Variants in SLC25A45 observed in about 807,000 individuals in gnomAD.
SLC25A45 encodes methylated amino-acid transporter SLC25A45.
In SLC25A45, 22 loss-of-function variants were observed where a neutral mutation model predicts 23.0. The observed-to-expected ratio is 0.95, with a 90% CI of 0.68 to 1.36. SLC25A45 has a LOEUF of 1.36. Ranked by LOEUF, SLC25A45 falls within the 40% of genes most tolerant of loss-of-function variation. The pLI, the probability that SLC25A45 is intolerant of heterozygous loss-of-function variation, is 0.00. For synonymous variants in SLC25A45, 136 were observed against 155.0 expected, an observed-to-expected ratio of 0.88 and a Z score of 0.91; for missense variants, 355 against 383.5, an observed-to-expected ratio of 0.93 and a Z score of 0.62.
At chr11:65,377,220 A>C in intron 5 of SLC25A45, 144 bp from the exon 6 acceptor site, 1 of 1,439,788 alleles carries the variant, frequency 6.9e-7, no homozygotes, top group Non-Finnish European at 9.1e-7. Flanking sequence ...TCTCACGTGC[A>C]TGTGTGGCTG....
chr11:65,380,597 C>T (rs745923599), intron 2 of SLC25A45: 1 of 1,294,966 alleles, frequency 7.7e-7, no homozygotes, highest in Non-Finnish European at 1.0e-6. Flanking sequence ...CCAGAGCAGG[C>T]CCTGCTGCCA....
intron 4 of SLC25A45, 149 bp from the exon 5 acceptor site, chr11:65,379,710 C>A (rs907332976): frequency 4.8e-6 from 6 of 1,258,378 alleles, no homozygotes; most frequent in Non-Finnish European, 6.7e-6. Context: ...TGAGGCTGCG[C>A]CTCTGGGGTG....
intron 2 of SLC25A45, 86 bp from the exon 3 acceptor site, chr11:65,380,261 G>A (rs1274487704): frequency 6.3e-6 from 10 of 1,598,466 alleles, no homozygotes; most frequent in Non-Finnish European, 8.6e-6. Flanking sequence ...GAGGGGTTCA[G>A]GCAGGAGGAA....
chr11:65,379,904 A>G lies in SLC25A45; in HGVS notation c.116T>C (p.Ile39Thr). The G allele has an allele frequency of 6.2e-7, 1 of 1,614,200 alleles. No homozygotes were observed. Among genetic ancestry groups the G allele is most frequent in the Non-Finnish European group, 8.5e-7 (1 of 1,180,024 alleles). Residue 39 changes from isoleucine (I) to threonine (T), a missense_variant, in exon 4 of 7, where the codon ATC becomes ACC. Physicochemically the swap from Ile to Thr is moderately conservative, Grantham distance 89 (BLOSUM62 -1). Coordinates refer to ENST00000398802, the MANE Select transcript of SLC25A45 (RefSeq NM_182556.4). The stretch of plus-strand genomic sequence containing the variant: ...GTAAATCTTGACCATGCAATCAACG[A>G]TGCCCCGGTAGGTGGTCTGGGTCTG... ...RLQTQTTYRG[I>T]VDCMVKIYRH... is the part of the protein sequence containing the mutation.
chr11:65,380,409 C>T, intron 2 of SLC25A45: 2 of 930,470 alleles, frequency 2.1e-6, no homozygotes, highest in Non-Finnish European at 3.2e-6. Flanking sequence ...CCAGGCCCCA[C>T]CTGAGGATGC....
In SLC25A45 at chr11:65,376,349, C is replaced by A; in HGVS notation, c.*58G>T. 2 of 1,584,874 alleles carry A rather than the reference C, an allele frequency of 1.3e-6. No individual in the cohort carries two copies. Among genetic ancestry groups the A allele is most frequent in the Middle Eastern group, 1.7e-4 (1 of 5,986 alleles). On this transcript the variant is annotated 3_prime_UTR_variant, in exon 7 of 7. Transcript: ENST00000398802. ...GCAAGCTTTCAACCTGGCCTCCAAT[C>A]TCAAACTGGCCTCCAGGCCGTGGGC...
intron 5 of SLC25A45, chr11:65,377,935 GC>G (rs1855305042): frequency 6.6e-6 from 1 of 152,376 alleles, no homozygotes; most frequent in African/African-American, 2.4e-5. Context: ...CAGTTCCTCA[GC>G]CCTGGAGATG....
chr11:65,381,689 G>A (rs1855566910), intron 2 of SLC25A45: 1 of 542,590 alleles, frequency 1.8e-6, no homozygotes, highest in Admixed American at 2.8e-5. Flanking sequence ...TAAGTAGCTG[G>A]GACTACAGGT....
At chr11:65,381,722 T>C (rs1855569278) in intron 2 of SLC25A45, 193 bp downstream of exon 2, 2 of 627,198 alleles carry the variant, frequency 3.2e-6, no homozygotes, top group Non-Finnish European at 5.7e-6. Context: ...GCCCAGCTAA[T>C]TATTTTGATT....
At position 65,379,580 on chromosome 11, in the gene SLC25A45, G is replaced by C. The variant is rs1445804233; in HGVS notation, c.154-19C>G. On this transcript the variant is annotated intron_variant, in intron 4 of 6. Transcript: ENST00000398802. ...CCAGGAGCTGCAGAGAGACACAGTG[G>C]CAGCGGAGTAGGCACCGTGGGGCCT... is the stretch of plus-strand genomic sequence containing the variant. The C allele has an allele frequency of 1.3e-6, 2 of 1,593,590 alleles. No individual in the cohort carries two copies. Among genetic ancestry groups the C allele is most frequent in the South Asian group, 1.1e-5 (1 of 89,306 alleles).
At position 65,375,510 on chromosome 11, in the gene SLC25A45, AC is replaced by A. The variant is rs1855106811; in HGVS notation, c.*896del. ...AGAGTCAACCTGCCAGGCACTGTGC[AC>A]TGCTGGCCAGGCCCGGCCAATGAGA... On this transcript the variant is annotated 3_prime_UTR_variant, in exon 7 of 7. Coordinates refer to ENST00000398802, the MANE Select transcript of SLC25A45 (RefSeq NM_182556.4). 1 of 152,468 alleles carries A rather than the reference AC, an allele frequency of 6.6e-6. No homozygotes were observed. The highest frequency in any genetic ancestry group is 1.5e-5 in the Non-Finnish European group (1 of 68,250). The allele number at this position is 152,468 out of a possible 1,614,324, so 9.4% of individuals were successfully genotyped here. A position where few individuals can be genotyped will look rare whatever the true frequency, so the allele number is the denominator to read the frequency against.
chr11:65,376,103 C>A lies in SLC25A45; in HGVS notation c.*304G>T. ...AAAAAAAAAAAAAAAGAGGTGAAGG[C>A]ACAGGACAGGAGCTGGGATGTCACC... On this transcript the variant is annotated 3_prime_UTR_variant, in exon 7 of 7. Coordinates refer to ENST00000398802, the MANE Select transcript of SLC25A45 (RefSeq NM_182556.4). The A allele has an allele frequency of 2.5e-6, 1 of 402,548 alleles. No individual in the cohort carries two copies. Among genetic ancestry groups the A allele is most frequent in the East Asian group, 4.2e-5 (1 of 24,058 alleles). The allele number at this position is 402,548 out of a possible 1,614,324, so 24.9% of individuals were successfully genotyped here. A position where few individuals can be genotyped will look rare whatever the true frequency, so the allele number is the denominator to read the frequency against.
At chr11:65,381,784 C>T in intron 2 of SLC25A45, 131 bp downstream of exon 2, 1 of 1,161,568 alleles carries the variant, frequency 8.6e-7, no homozygotes, top group Non-Finnish European at 1.3e-6. Flanking sequence ...TCTCAAACTC[C>T]TGGGCTCAAG....
chr11:65,380,293 C>T (rs1855481120), intron 2 of SLC25A45, 118 bp from the exon 3 acceptor site: 9 of 1,420,936 alleles, frequency 6.3e-6, no homozygotes, highest in Non-Finnish European at 8.8e-6. Flanking sequence ...CCATCTCAGA[C>T]ACATGCAGCC....
Position 65,376,934 on chromosome 11 carries a change from C to T in SLC25A45, c.482G>A (p.Arg161Gln), listed in dbSNP as rs565926011. 1.9e-5 allele frequency: 30 copies of T among 1,613,238 alleles called. No individual in the cohort carries two copies. Among genetic ancestry groups the T allele is most frequent in the South Asian group, 9.9e-5 (9 of 91,008 alleles). Residue 161 changes from arginine (R) to glutamine (Q), a missense_variant, in exon 6 of 7, where the codon CGG (arginine) becomes CAG (glutamine). Arg to Gln is a conservative substitution (Grantham distance 43). Coordinates refer to ENST00000398802, the MANE Select transcript of SLC25A45 (RefSeq NM_182556.4). ...AASIFREEGP[R>Q]GLFRGAWALT... ...GGCCCAGGCTCCTCGGAACAGCCCC[C>T]GGGGCCCCTCCTCCCGGAAGATGGA...
intron 5 of SLC25A45, chr11:65,378,607 AT>A (rs1279112950): frequency 4.6e-5 from 7 of 152,252 alleles, no homozygotes; most frequent in African/African-American, 1.7e-4. Context: ...TTAATCATTA[AT>A]TCATTTGAAG....
rs375819010 is a variant in SLC25A45, at chr11:65,376,496, G to A, written c.778C>T (p.Arg260Trp). 22 of 1,614,038 alleles carry A rather than the reference G, an allele frequency of 1.4e-5. 1 individual carries two copies. The highest frequency in any genetic ancestry group is 6.7e-5 in the Admixed American group (4 of 60,002). ...CGGGCACTGTTGATGGTGACCCCCC[G>A]GAAGAAGACTCCCAGTCCTTCCTGC... ...IRQEGLGVFF[R>W]GVTINSARAF... Residue 260 changes from arginine (R) to tryptophan (W), a missense_variant, in exon 7 of 7, where the codon CGG becomes TGG. By Grantham distance (101) the Arg-to-Trp change is moderately radical. Transcript: ENST00000398802.
At position 65,382,348 on chromosome 11, in the gene SLC25A45, C is replaced by T. The variant is rs1855617018; in HGVS notation, c.-19+138G>A. 4.1e-6 allele frequency: 1 copy of T among 243,110 alleles called. No individual in the cohort carries two copies. The highest frequency in any genetic ancestry group is 8.4e-6 in the Non-Finnish European group (1 of 119,334). 15.1% of individuals were successfully genotyped at this position (243,110 alleles called of 1,614,324 possible). ...AGCCCAGCTCCACTCCCATTCATCTCCACCAAGGGGCATGGCCGCCCCCAT... is the reference window on the plus strand; with the variant it reads ...AGCCCAGCTCCACTCCCATTCATCTTCACCAAGGGGCATGGCCGCCCCCAT... On this transcript the variant is annotated intron_variant, in intron 1 of 6. Coordinates refer to ENST00000398802, the MANE Select transcript of SLC25A45 (RefSeq NM_182556.4). The surrounding 1 kb of genome is among the most constrained non-coding windows in gnomAD (Gnocchi z 4.4).
chr11:65,377,491 T>C, intron 5 of SLC25A45: 1 of 871,028 alleles, frequency 1.1e-6, no homozygotes, highest in Non-Finnish European at 1.4e-6. Context: ...AAACCACCCT[T>C]TCCCAGGGTG....
Sources: allele counts gnomAD v4.1 joint callset, GRCh38; gene constraint gnomAD v4.1.1; non-coding constraint Gnocchi (gnomAD v3.1); transcripts MANE v1.5; gene names NCBI Gene and HGNC (gene_info 2026-07-23, HGNC 2026-07-21).